Variants in FBXL7 observed in about 807,000 individuals in gnomAD.
FBXL7 encodes the protein F-box and leucine rich repeat protein 7, also known as F-box/LRR-repeat protein 7.
FBXL7 carries 12 observed loss-of-function variants against 38.3 expected under a neutral mutation model. That is an observed-to-expected ratio of 0.31 (90% confidence interval 0.20 to 0.51). The LOEUF (loss-of-function observed/expected upper bound fraction) is 0.51. FBXL7 is among the 20% of genes least tolerant of loss of function. The pLI, the probability that FBXL7 is intolerant of heterozygous loss-of-function variation, is 0.98. For missense variants in FBXL7, 567 were observed against 676.4 expected (o/e 0.84, Z 1.79); for synonymous variants, 297 against 300.9 (o/e 0.99, Z 0.13).
chr5:15,536,536 T>G (rs1737590365), intron 1 of FBXL7, among the ~76,000 whole-genome samples: 1 of 152,204 alleles, frequency 6.6e-6, no homozygotes, highest in Non-Finnish European at 1.5e-5. Context: ...CTTTAAGATT[T>G]AATGACTGCC....
intron 1 of FBXL7, among the ~76,000 whole-genome samples, chr5:15,555,022 A>G (rs984143800): frequency 6.6e-6 from 1 of 152,246 alleles, no homozygotes; most frequent in Non-Finnish European, 1.5e-5. Flanking sequence ...ATTGGACAGC[A>G]TAGGCATTTC....
At chr5:15,723,624 A>T (rs946761432) in intron 2 of FBXL7, among the ~76,000 whole-genome samples, 1 of 152,212 alleles carries the variant, frequency 6.6e-6, no homozygotes, top group Non-Finnish European at 1.5e-5. Flanking sequence ...CAGCCTCAAG[A>T]ACATGGATTT....
chr5:15,873,510 A>G (rs1412668262), intron 2 of FBXL7, among the ~76,000 whole-genome samples: 1 of 152,150 alleles, frequency 6.6e-6, no homozygotes, highest in Non-Finnish European at 1.5e-5. Context: ...AAATAGATAG[A>G]CCACTAGCCA....
chr5:15,716,240 C>T (rs1744041454), intron 2 of FBXL7, among the ~76,000 whole-genome samples: 1 of 152,162 alleles, frequency 6.6e-6, no homozygotes, highest in East Asian at 1.9e-4. Flanking sequence ...AGATGACATG[C>T]TGTACAGACA....
intron 2 of FBXL7, among the ~76,000 whole-genome samples, chr5:15,799,964 C>T (rs1046345459): frequency 9.2e-5 from 14 of 152,058 alleles, no homozygotes; most frequent in Non-Finnish European, 7.4e-5. Context: ...ACTAAAATCA[C>T]GGTCCAGCAA....
At chr5:15,752,825 A>G (rs1736188803) in intron 2 of FBXL7, among the ~76,000 whole-genome samples, 1 of 152,214 alleles carries the variant, frequency 6.6e-6, no homozygotes, top group Admixed American at 6.5e-5. Context: ...AAATTCGTCA[A>G]CCACAAGTTA....
chr5:15,751,764 T>C (rs1295496793), intron 2 of FBXL7, among the ~76,000 whole-genome samples: 1 of 152,128 alleles, frequency 6.6e-6, no homozygotes, highest in African/African-American at 2.4e-5. Flanking sequence ...TGCATTTGCG[T>C]TTGGTGTTTG....
chr5:15,854,744 T>C (rs1201493020), intron 2 of FBXL7, among the ~76,000 whole-genome samples: 1 of 152,156 alleles, frequency 6.6e-6, no homozygotes, highest in African/African-American at 2.4e-5. Flanking sequence ...ACAAACATCC[T>C]TCACCCATTT....
chr5:15,834,718 G>T (rs925173915), intron 2 of FBXL7, among the ~76,000 whole-genome samples: 2 of 152,200 alleles, frequency 1.3e-5, no homozygotes, highest in Non-Finnish European at 2.9e-5. Flanking sequence ...CCACGTAGAA[G>T]CTGTGTGAAC....
In FBXL7 at chr5:15,692,935, C is replaced by T. The variant is rs74388642; in HGVS notation, c.127+76863C>T. Among the ~76,000 whole-genome samples the T allele has an allele frequency of 6.5e-3, 993 of 152,196 alleles. 11 individuals carry two copies. Among genetic ancestry groups the T allele is most frequent in the African/African-American group, 0.023 (942 of 41,520 alleles). ...CCACCCATCCTTCCTAGACTCATTC[C>T]CTTTCTGCTTAGTCCTATTCGGATT... On this transcript the variant is annotated intron_variant, in intron 2 of 3. Coordinates refer to ENST00000504595, the MANE Select transcript of FBXL7 (RefSeq NM_012304.5).
chr5:15,724,033 G>A (rs1323829660), intron 2 of FBXL7, among the ~76,000 whole-genome samples: 1 of 152,004 alleles, frequency 6.6e-6, no homozygotes, highest in Non-Finnish European at 1.5e-5. Flanking sequence ...GAATATCTTG[G>A]TACTTCCCTC....
chr5:15,762,066 G>C (rs1403014981), intron 2 of FBXL7, among the ~76,000 whole-genome samples: 1 of 152,144 alleles, frequency 6.6e-6, no homozygotes, highest in Non-Finnish European at 1.5e-5. Context: ...CAGCTTCAGG[G>C]TCTTAAGGTG....
intron 2 of FBXL7, among the ~76,000 whole-genome samples, chr5:15,752,365 C>T (rs1465388932): frequency 2.0e-5 from 3 of 152,082 alleles, no homozygotes; most frequent in Admixed American, 6.6e-5. Flanking sequence ...TTAAGATGAT[C>T]TCTATTTTCA....
intron 2 of FBXL7, among the ~76,000 whole-genome samples, chr5:15,739,090 A>G (rs1489989124): frequency 6.6e-6 from 1 of 152,218 alleles, no homozygotes; most frequent in Admixed American, 6.5e-5. Context: ...TCATCTGGGC[A>G]GATGCATCCC....
intron 2 of FBXL7, among the ~76,000 whole-genome samples, chr5:15,891,637 A>T (rs755622624): frequency 6.6e-6 from 1 of 152,244 alleles, no homozygotes; most frequent in African/African-American, 2.4e-5. Flanking sequence ...ATAAAGTATC[A>T]TAAATGAGTG....
intron 1 of FBXL7, among the ~76,000 whole-genome samples, chr5:15,582,417 A>T (rs1363018454): frequency 1.3e-5 from 2 of 152,248 alleles, no homozygotes; most frequent in African/African-American, 4.8e-5. Flanking sequence ...GAAAAAAGGA[A>T]AGAGAAATCT....
At chr5:15,751,691 A>C (rs1736159303) in intron 2 of FBXL7, among the ~76,000 whole-genome samples, 1 of 152,206 alleles carries the variant, frequency 6.6e-6, no homozygotes, top group African/African-American at 2.4e-5. Context: ...TCGATTTTTA[A>C]TAATATATGT....
At chr5:15,739,400 A>G (rs1031781573) in intron 2 of FBXL7, among the ~76,000 whole-genome samples, 2 of 152,214 alleles carry the variant, frequency 1.3e-5, no homozygotes, top group African/African-American at 4.8e-5. Context: ...GCTGAAATTC[A>G]CATACCGTAG....
chr5:15,872,882 A>C (rs1329493477), intron 2 of FBXL7, among the ~76,000 whole-genome samples: 1 of 152,150 alleles, frequency 6.6e-6, no homozygotes, highest in East Asian at 1.9e-4. Flanking sequence ...CAAGACAGAA[A>C]ATTAAGAAGG....
Sources: gnomAD v4.1 joint callset for allele counts (sites outside exome capture counted in the v4.1 genomes callset) on GRCh38, gnomAD v4.1.1 for gene constraint, MANE v1.5 for transcripts, NCBI Gene and HGNC (gene_info 2026-07-23, HGNC 2026-07-21) for gene names.